The following GABRB2 variants were observed in gnomAD, a reference collection of about 807,000 sequenced individuals.
GABRB2 encodes gamma-aminobutyric acid type A receptor subunit beta2, also known as gamma-aminobutyric acid receptor subunit beta-2.
GABRB2 carries 16 observed loss-of-function variants against 54.7 expected under a neutral mutation model. That is an observed-to-expected ratio of 0.29 (90% CI 0.20 to 0.44). The LOEUF (loss-of-function observed/expected upper bound fraction) is 0.44, where lower values mean the gene tolerates loss of function less well. Among genes scored for constraint, GABRB2 ranks in the 20% least tolerant of loss-of-function variants. The pLI is 1.00. For missense variants in GABRB2, 355 were observed against 644.0 expected, an observed-to-expected ratio of 0.55 and a Z score of 4.86; for synonymous variants, 244 against 233.8, an observed-to-expected ratio of 1.04 and a Z score of -0.40.
intron 4 of GABRB2, among the ~76,000 whole-genome samples, chr5:161,446,408 T>C (rs1451417775): frequency 6.6e-6 from 1 of 152,142 alleles, no homozygotes; most frequent in Non-Finnish European, 1.5e-5. Flanking sequence ...TTCCTAATAT[T>C]TAGGTAATCA....
In GABRB2 at chr5:161,292,370, A is replaced by G. The variant is rs988948009; in HGVS notation, c.*1711T>C. 3.3e-5 allele frequency: 5 copies of G among 152,218 alleles called. No homozygotes were observed. The highest frequency in any genetic ancestry group is 9.6e-5 in the African/African-American group (4 of 41,466). 9.4% of individuals were successfully genotyped at this position (152,218 alleles called of 1,614,324 possible). On this transcript the variant is annotated 3_prime_UTR_variant, in exon 10 of 10. Coordinates refer to ENST00000393959, the MANE Select transcript of GABRB2 (RefSeq NM_001371727.1). ...AAGTCATCCTCCAAGAAAAAGTTCA[A>G]TCAAATTCAACTTTAAGGAAAATTT...
At chr5:161,415,722 C>T (rs1308313808) in intron 4 of GABRB2, among the ~76,000 whole-genome samples, 2 of 152,068 alleles carry the variant, frequency 1.3e-5, no homozygotes, top group Non-Finnish European at 2.9e-5. Context: ...AAGGGATTCT[C>T]CTGCCTCAGC....
intron 3 of GABRB2, among the ~76,000 whole-genome samples, chr5:161,529,726 A>AT (rs1195774599): frequency 6.6e-6 from 1 of 151,976 alleles, no homozygotes; most frequent in Non-Finnish European, 1.5e-5. Flanking sequence ...TTCTAATGTA[A>AT]TTTTTTCAAA....
chr5:161,494,025 C>T (rs1038352109), intron 3 of GABRB2, among the ~76,000 whole-genome samples: 2 of 151,630 alleles, frequency 1.3e-5, no homozygotes, highest in East Asian at 1.9e-4. Context: ...CAAATACATA[C>T]AATTTTTGTC....
At chr5:161,327,350 A>C (rs1226205570) in intron 8 of GABRB2, among the ~76,000 whole-genome samples, 1 of 152,156 alleles carries the variant, frequency 6.6e-6, no homozygotes, top group African/African-American at 2.4e-5. Flanking sequence ...ACATGGAATT[A>C]GCTTTTCAGT....
At chr5:161,326,960 A>C in intron 8 of GABRB2, 5 of 980,516 alleles carry the variant, frequency 5.1e-6, no homozygotes, top group Non-Finnish European at 6.1e-6. Context: ...TATAAAGCTT[A>C]AAAGAGAAGT....
chr5:161,374,335 G>C (rs958360028), intron 5 of GABRB2, among the ~76,000 whole-genome samples: 1 of 152,108 alleles, frequency 6.6e-6, no homozygotes. Flanking sequence ...TGCTCAAAAT[G>C]GAAATCTTGA....
chr5:161,326,116 T>C (rs532832626), intron 9 of GABRB2, among the ~76,000 whole-genome samples: 4 of 152,288 alleles, frequency 2.6e-5, no homozygotes, highest in African/African-American at 9.6e-5. Flanking sequence ...ATCCATTTAA[T>C]TTCTTTCCCT....
At chr5:161,465,661 A>G (rs1275080176) in intron 3 of GABRB2, among the ~76,000 whole-genome samples, 1 of 152,084 alleles carries the variant, frequency 6.6e-6, no homozygotes, top group African/African-American at 2.4e-5. Flanking sequence ...ATTGTTTTGT[A>G]AAGTGCCTAT....
intron 3 of GABRB2, among the ~76,000 whole-genome samples, chr5:161,473,131 T>C (rs930585323): frequency 3.3e-5 from 5 of 152,002 alleles, no homozygotes; most frequent in Admixed American, 3.3e-4. Context: ...GTAATTTGTG[T>C]TCAGAATAAG....
intron 5 of GABRB2, among the ~76,000 whole-genome samples, chr5:161,367,309 A>G (rs1754998732): frequency 6.6e-6 from 1 of 152,206 alleles, no homozygotes; most frequent in Non-Finnish European, 1.5e-5. Flanking sequence ...TAATTCAAAC[A>G]TATGGGGCTC....
chr5:161,455,151 C>A (rs1269875786), intron 4 of GABRB2, among the ~76,000 whole-genome samples: 8 of 152,176 alleles, frequency 5.3e-5, no homozygotes, highest in Non-Finnish European at 8.8e-5. Flanking sequence ...GCTAACCAAG[C>A]ACAAAATATG....
chr5:161,383,388 A>T (rs375475735), intron 5 of GABRB2, among the ~76,000 whole-genome samples: 21 of 151,822 alleles, frequency 1.4e-4, no homozygotes, highest in African/African-American at 5.1e-4. Flanking sequence ...CAATTTTTCT[A>T]AATTTTTATT....
intron 4 of GABRB2, among the ~76,000 whole-genome samples, chr5:161,415,922 T>TTTTG (rs1756652009): frequency 6.8e-6 from 1 of 146,122 alleles, no homozygotes; most frequent in African/African-American, 2.6e-5. Context: ...CCCAAGTTTG[T>TTTTG]TTTTGTTTTG....
chr5:161,441,781 A>G (rs1319832524), intron 4 of GABRB2, among the ~76,000 whole-genome samples: 1 of 152,196 alleles, frequency 6.6e-6, no homozygotes, highest in East Asian at 1.9e-4. Flanking sequence ...ACAAAAAGGA[A>G]TAAGATCCAT....
At chr5:161,542,838 C>G (rs1359106913) in intron 3 of GABRB2, among the ~76,000 whole-genome samples, 1 of 152,016 alleles carries the variant, frequency 6.6e-6, no homozygotes, top group Non-Finnish European at 1.5e-5. Flanking sequence ...ATCAAAAGGC[C>G]CTAACACTCA....
intron 3 of GABRB2, among the ~76,000 whole-genome samples, chr5:161,479,566 C>T (rs944930771): frequency 4.0e-5 from 6 of 149,828 alleles, no homozygotes; most frequent in African/African-American, 1.2e-4. Flanking sequence ...AGCAGAGTAA[C>T]CATGAACACA....
intron 3 of GABRB2, among the ~76,000 whole-genome samples, chr5:161,460,625 C>A (rs1180837143): frequency 6.6e-6 from 1 of 151,782 alleles, no homozygotes; most frequent in African/African-American, 2.4e-5. Flanking sequence ...CACATCCAAA[C>A]CTAAGAATCC....
At chr5:161,515,438 T>A (rs904534024) in intron 3 of GABRB2, among the ~76,000 whole-genome samples, 1 of 152,170 alleles carries the variant, frequency 6.6e-6, no homozygotes. Flanking sequence ...ACTGTAGCTA[T>A]GAGAAACTCA....
Sources: allele counts gnomAD v4.1 joint callset (sites outside exome capture counted in the v4.1 genomes callset), GRCh38; gene constraint gnomAD v4.1.1; transcripts MANE v1.5; gene names NCBI Gene and HGNC (gene_info 2026-07-23, HGNC 2026-07-21).